ATP8A2: variants seen among roughly 807,000 people sequenced by gnomAD.
ATP8A2 encodes the protein ATPase phospholipid transporting 8A2, also known as phospholipid-transporting ATPase IB.
A neutral mutation model predicts 165.6 loss-of-function variants in ATP8A2; 100 were observed. The observed-to-expected ratio is 0.60, with a 90% CI of 0.51 to 0.71. The LOEUF (loss-of-function observed/expected upper bound fraction) is 0.71, where lower values mean the gene tolerates loss of function less well. ATP8A2 is among the 30% of genes least tolerant of loss of function. The probability of loss-of-function intolerance (pLI) is 0.00; values close to 1 mark genes in which losing one functional copy is unlikely to be tolerated. For synonymous variants in ATP8A2, 543 were observed against 548.8 expected (o/e 0.99, Z 0.15); for missense variants, 1,227 against 1,479.5 (o/e 0.83, Z 2.80).
chr13:25,593,957 C>T (rs145534552), intron 24 of ATP8A2, among the ~76,000 whole-genome samples: 85 of 152,314 alleles, frequency 5.6e-4, no homozygotes, highest in African/African-American at 2.0e-3. Context: ...TCCAGCTCTT[C>T]TCAGCTACTT....
intron 1 of ATP8A2, among the ~76,000 whole-genome samples, chr13:25,464,886 C>G (rs561488743): frequency 6.6e-6 from 1 of 152,324 alleles, no homozygotes; most frequent in East Asian, 1.9e-4. Flanking sequence ...AGGGATAGAG[C>G]TATGAATGAG....
intron 35 of ATP8A2, among the ~76,000 whole-genome samples, chr13:26,007,644 A>C (rs1300017571): frequency 3.9e-5 from 6 of 152,236 alleles, no homozygotes; most frequent in Admixed American, 1.3e-4. Flanking sequence ...TAGGTGAAAT[A>C]TAAACAAAGG....
At chr13:25,720,426 T>G (rs754948502) in intron 25 of ATP8A2, among the ~76,000 whole-genome samples, 1 of 152,052 alleles carries the variant, frequency 6.6e-6, no homozygotes, top group Non-Finnish European at 1.5e-5. Context: ...CCTCCCAAAG[T>G]GCTGGGATTA....
intron 2 of ATP8A2, among the ~76,000 whole-genome samples, chr13:25,478,900 G>T (rs570247774): frequency 6.6e-5 from 10 of 151,946 alleles, no homozygotes; most frequent in Middle Eastern, 3.4e-3. Flanking sequence ...CAGGCTGGAG[G>T]GCAGTGGCGT....
At chr13:25,777,864 A>T (rs1421729916) in intron 27 of ATP8A2, among the ~76,000 whole-genome samples, 1 of 152,208 alleles carries the variant, frequency 6.6e-6, no homozygotes, top group Non-Finnish European at 1.5e-5. Flanking sequence ...TCATGTTGCT[A>T]TATGGAACAC....
At chr13:25,880,995 C>A (rs1251908073) in intron 33 of ATP8A2, 1 of 451,944 alleles carries the variant, frequency 2.2e-6, no homozygotes, top group Admixed American at 2.4e-5. Flanking sequence ...TTTGTGTAGA[C>A]CTGGGCAAAC....
chr13:25,902,352 A>G (rs1953779363), intron 33 of ATP8A2, among the ~76,000 whole-genome samples: 1 of 152,054 alleles, frequency 6.6e-6, no homozygotes, highest in Non-Finnish European at 1.5e-5. Flanking sequence ...AACACTGGAC[A>G]TTTTTCTATA....
chr13:25,508,994 G>A (rs148951284), intron 2 of ATP8A2, among the ~76,000 whole-genome samples: 1 of 152,178 alleles, frequency 6.6e-6, no homozygotes, highest in Non-Finnish European at 1.5e-5. Context: ...ATTTCGTTGG[G>A]TTTAGAGTTG....
chr13:25,522,518 A>C (rs1377328310), intron 2 of ATP8A2, among the ~76,000 whole-genome samples: 1 of 152,150 alleles, frequency 6.6e-6, no homozygotes, highest in African/African-American at 2.4e-5. Context: ...AATTTTTCCC[A>C]GTTGAGTATG....
intron 30 of ATP8A2, among the ~76,000 whole-genome samples, chr13:25,842,051 A>G (rs1951756697): frequency 1.3e-5 from 2 of 152,326 alleles, no homozygotes; most frequent in South Asian, 4.1e-4. Context: ...CTTTCAACAC[A>G]TGAGCTTTGC....
intron 24 of ATP8A2, among the ~76,000 whole-genome samples, chr13:25,630,624 G>A (rs529050524): frequency 3.0e-4 from 46 of 152,140 alleles, no homozygotes; most frequent in Non-Finnish European, 5.4e-4. Context: ...AAGATCTTCC[G>A]AATATTTCCT....
At chr13:25,434,361 T>C (rs548616507) in intron 1 of ATP8A2, among the ~76,000 whole-genome samples, 327 of 151,642 alleles carry the variant, frequency 2.2e-3, no homozygotes, top group Non-Finnish European at 3.3e-3. Context: ...TTTTTTTTTG[T>C]TTTTTGAGAC....
rs188388436 is a variant in ATP8A2, at chr13:25,686,878, C to T, written c.2212-12295C>T. Among the ~76,000 whole-genome samples, 422 of 152,156 alleles carry T rather than the reference C, an allele frequency of 2.8e-3. 2 individuals carry two copies. The highest frequency in any genetic ancestry group is 2.9e-3 in the Non-Finnish European group (199 of 68,004). Reference sequence around the variant, plus strand: ...CACGGCTCTTAACAGCTCATGACACCGCGTTCTGTTTTTATTTGTGTAGTG... The same window carrying T: ...CACGGCTCTTAACAGCTCATGACACTGCGTTCTGTTTTTATTTGTGTAGTG... On this transcript the variant is annotated intron_variant, in intron 24 of 36. Coordinates refer to ENST00000381655, the MANE Select transcript of ATP8A2 (RefSeq NM_016529.6).
chr13:25,474,378 G>A (rs1420793954), intron 2 of ATP8A2, among the ~76,000 whole-genome samples: 1 of 152,032 alleles, frequency 6.6e-6, no homozygotes, highest in African/African-American at 2.4e-5. Context: ...TGGCTAACAT[G>A]GTGAAACCCC....
chr13:25,490,690 T>C (rs2036498949), intron 2 of ATP8A2, among the ~76,000 whole-genome samples: 2 of 152,120 alleles, frequency 1.3e-5, no homozygotes, highest in African/African-American at 4.8e-5. Flanking sequence ...TGGACTAAAT[T>C]CTAAATAATT....
intron 24 of ATP8A2, among the ~76,000 whole-genome samples, chr13:25,666,663 CT>C (rs577119397): frequency 6.6e-6 from 1 of 151,678 alleles, no homozygotes; most frequent in East Asian, 1.9e-4. Context: ...GGTGTTTTTC[CT>C]TTTTTTTGTT....
intron 1 of ATP8A2, among the ~76,000 whole-genome samples, chr13:25,402,106 T>C (rs2033656423): frequency 6.6e-6 from 1 of 151,592 alleles, no homozygotes; most frequent in Non-Finnish European, 1.5e-5. Context: ...GACTCCTAAG[T>C]GACTAAATGG....
chr13:25,613,377 C>T (rs1397737020), intron 24 of ATP8A2, among the ~76,000 whole-genome samples: 1 of 152,106 alleles, frequency 6.6e-6, no homozygotes, highest in African/African-American at 2.4e-5. Flanking sequence ...AGATCAAGAC[C>T]ATCCTGGCCA....
chr13:25,509,858 T>C (rs1405909711), intron 2 of ATP8A2, among the ~76,000 whole-genome samples: 8 of 152,232 alleles, frequency 5.3e-5, no homozygotes. Flanking sequence ...AAGAACCAAA[T>C]GCAATAAGGC....
Sources: allele counts gnomAD v4.1 joint callset (sites outside exome capture counted in the v4.1 genomes callset), GRCh38; gene constraint gnomAD v4.1.1; transcripts MANE v1.5; gene names NCBI Gene and HGNC (gene_info 2026-07-23, HGNC 2026-07-21).